Variants in FBXL20 observed in about 807,000 individuals in gnomAD.
FBXL20 encodes F-box and leucine rich repeat protein 20.
A neutral mutation model predicts 64.0 loss-of-function variants in FBXL20; 11 were observed. The observed-to-expected ratio is 0.17, with a 90% CI of 0.11 to 0.28. The LOEUF is 0.28. Ranked by LOEUF, FBXL20 falls within the 10% of genes least tolerant of loss-of-function variation. The pLI, the probability that FBXL20 is intolerant of heterozygous loss-of-function variation, is 1.00. For missense variants in FBXL20, 303 were observed against 526.2 expected, an observed-to-expected ratio of 0.58 and a Z score of 4.15; for synonymous variants, 184 against 189.0, an observed-to-expected ratio of 0.97 and a Z score of 0.22.
rs1414374065 is a variant in FBXL20 at position 39,339,164 on chromosome 17, T to TC, written c.104+4015dup. ...ACCTGGGAGACAGTGAGACCCTGTC[T>TC]CAAAAAAAAAAAAAAAAAAAAAGAC... On this transcript the variant is annotated intron_variant, in intron 2 of 14. Transcript: ENST00000264658. 5.7e-3 allele frequency among the ~76,000 whole-genome samples: 220 copies of TC among 38,368 alleles called. 2 individuals are homozygous for TC. The highest frequency in any genetic ancestry group is 0.056 in the Middle Eastern group (3 of 54). 25.2% of individuals were successfully genotyped at this position (38,368 alleles called of 152,430 possible).
chr17:39,387,604 GTCTC>G (rs2048095087), intron 1 of FBXL20, among the ~76,000 whole-genome samples: 3 of 145,440 alleles, frequency 2.1e-5, no homozygotes, highest in Non-Finnish European at 4.5e-5. Context: ...TTGAGACAAG[GTCTC>G]ACTCTGTCTT....
At chr17:39,389,168 A>C (rs2048112624) in intron 1 of FBXL20, among the ~76,000 whole-genome samples, 1 of 151,014 alleles carries the variant, frequency 6.6e-6, no homozygotes, top group Non-Finnish European at 1.5e-5. Context: ...ATATAACCCC[A>C]GTCAACTGTG....
intron 1 of FBXL20, among the ~76,000 whole-genome samples, chr17:39,390,586 A>T (rs1332644294): frequency 6.6e-6 from 1 of 151,336 alleles, no homozygotes; most frequent in African/African-American, 2.4e-5. Flanking sequence ...AAATAGCCAG[A>T]TATGGTGGCA....
At position 39,285,565 on chromosome 17, in the gene FBXL20, G is replaced by T. The variant is rs746190828; in HGVS notation, c.407C>A (p.Thr136Asn). ...TTTGGAACAGAACTTGCTAAGGCTA[G>T]TACATGTACTGAAAAATGGAAAAAG... The part of the protein sequence containing the change: ...GCTKTTDATC[T>N]SLSKFCSKLR... The change falls in exon 7 of 15, where the codon ACT (threonine) becomes AAT (asparagine). Residue 136 changes from threonine to asparagine, a missense_variant. Around this residue, in one of 3 missense-constraint regions of FBXL20, gnomAD observed 246 missense variants for 422.6 expected, o/e 0.58. Transcript: ENST00000264658. 6.3e-7 allele frequency: 1 copy of T among 1,592,468 alleles called. No individual in the cohort carries two copies. The highest frequency in any genetic ancestry group is 1.8e-5 in the Admixed American group (1 of 57,120).
intron 1 of FBXL20, among the ~76,000 whole-genome samples, chr17:39,397,848 G>C (rs938479968): frequency 2.7e-5 from 4 of 149,468 alleles, no homozygotes; most frequent in Non-Finnish European, 5.9e-5. Flanking sequence ...CAGGATGACA[G>C]TGGAGTCAAA....
intron 1 of FBXL20, among the ~76,000 whole-genome samples, chr17:39,361,564 G>C (rs905841806): frequency 2.6e-5 from 4 of 151,846 alleles, no homozygotes; most frequent in Admixed American, 2.6e-4. Flanking sequence ...TTGGGAGGCT[G>C]AGGCAGGTAG....
At chr17:39,345,919 T>C (rs542121152) in intron 1 of FBXL20, among the ~76,000 whole-genome samples, 36 of 152,292 alleles carry the variant, frequency 2.4e-4, no homozygotes, top group African/African-American at 8.7e-4. Flanking sequence ...GCCTGTTATG[T>C]TTGGCATAAT....
intron 1 of FBXL20, among the ~76,000 whole-genome samples, chr17:39,368,841 A>C (rs573673895): frequency 6.6e-6 from 1 of 151,676 alleles, no homozygotes; most frequent in Non-Finnish European, 1.5e-5. Context: ...ATTTTTAGTA[A>C]AGACGGGGTT....
chr17:39,330,723 C>T (rs907438784), intron 2 of FBXL20, among the ~76,000 whole-genome samples: 1 of 152,108 alleles, frequency 6.6e-6, no homozygotes, highest in Non-Finnish European at 1.5e-5. Context: ...CTAAAACATC[C>T]AATGTACTCT....
intron 14 of FBXL20, among the ~76,000 whole-genome samples, chr17:39,263,220 AAT>A (rs935183338): frequency 6.6e-6 from 1 of 150,716 alleles, no homozygotes; most frequent in African/African-American, 2.4e-5. Context: ...GTCTCCACAA[AAT>A]AGTTTTTTAA....
Position 39,260,751 on chromosome 17 carries a change from G to C in FBXL20, c.*709C>G, listed in dbSNP as rs543765866. On this transcript the variant is annotated 3_prime_UTR_variant, in exon 15 of 15. Transcript: ENST00000264658. ...CAGGTGACAGACTGAGCAAGAGTGTGGGGGGGAGCAACAGAGAATGTAAGA... is the reference window on the plus strand; with the variant it reads ...CAGGTGACAGACTGAGCAAGAGTGTCGGGGGGAGCAACAGAGAATGTAAGA... The C allele has an allele frequency of 2.6e-5, 4 of 152,938 alleles. No individual in the cohort carries two copies. Among genetic ancestry groups the C allele is most frequent in the African/African-American group, 7.2e-5 (3 of 41,394 alleles). The allele number at this position is 152,938 out of a possible 1,614,324, so 9.5% of individuals were successfully genotyped here.
At chr17:39,378,878 T>A (rs914431619) in intron 1 of FBXL20, among the ~76,000 whole-genome samples, 1 of 150,942 alleles carries the variant, frequency 6.6e-6, no homozygotes, top group African/African-American at 2.4e-5. Context: ...CTCAAAGTGC[T>A]GGGATTACAG....
chr17:39,306,143 T>C (rs1315682170), intron 2 of FBXL20, among the ~76,000 whole-genome samples: 5 of 143,772 alleles, frequency 3.5e-5, no homozygotes, highest in Non-Finnish European at 7.4e-5. Context: ...GCCTGGGTGA[T>C]AGAGTGAGTT....
intron 2 of FBXL20, among the ~76,000 whole-genome samples, chr17:39,338,488 A>G (rs2047550442): frequency 6.6e-6 from 1 of 152,060 alleles, no homozygotes; most frequent in African/African-American, 2.4e-5. Flanking sequence ...TTGTCCTATG[A>G]CCCTGCCAAA....
At chr17:39,368,831 AT>A (rs1460825050) in intron 1 of FBXL20, among the ~76,000 whole-genome samples, 70 of 151,928 alleles carry the variant, frequency 4.6e-4, no homozygotes, top group Non-Finnish European at 7.2e-4. Flanking sequence ...AATTTTTTGT[AT>A]TTTTAGTAAA....
chr17:39,388,830 A>G (rs1241393687), intron 1 of FBXL20, among the ~76,000 whole-genome samples: 1 of 145,422 alleles, frequency 6.9e-6, no homozygotes, highest in Non-Finnish European at 1.5e-5. Flanking sequence ...TGCCGGGTGC[A>G]GTGGCTCACG....
At chr17:39,326,608 C>A (rs1000002468) in intron 2 of FBXL20, among the ~76,000 whole-genome samples, 1 of 151,396 alleles carries the variant, frequency 6.6e-6, no homozygotes, top group African/African-American at 2.4e-5. Flanking sequence ...CGTGACAGAG[C>A]AAGACCCTAT....
intron 5 of FBXL20, 22 bp downstream of exon 5, chr17:39,298,968 T>C: frequency 1.3e-6 from 2 of 1,579,144 alleles, no homozygotes; most frequent in Non-Finnish European, 1.7e-6. Context: ...TCAAGAAGAT[T>C]AATCAATAGT....
intron 2 of FBXL20, among the ~76,000 whole-genome samples, chr17:39,310,173 AGAAAC>A (rs916521730): frequency 1.3e-5 from 2 of 151,856 alleles, no homozygotes; most frequent in African/African-American, 2.4e-5. Flanking sequence ...AAAAAAGAAA[AGAAAC>A]GAAACAACTT....
Sources: allele counts gnomAD v4.1 joint callset (sites outside exome capture counted in the v4.1 genomes callset), GRCh38; gene constraint gnomAD v4.1.1; regional missense constraint gnomAD v4.1.1; transcripts MANE v1.5; gene names NCBI Gene and HGNC (gene_info 2026-07-23, HGNC 2026-07-21).